The following SREBF2 variants were observed in gnomAD, a reference collection of about 807,000 sequenced individuals.
SREBF2 encodes the protein sterol regulatory element-binding protein 2.
A neutral mutation model predicts 113.1 loss-of-function variants in SREBF2; 55 were observed. The observed-to-expected ratio is 0.49, with a 90% CI of 0.39 to 0.61. The LOEUF is 0.61. Among genes scored for constraint, SREBF2 ranks in the 20% least tolerant of loss-of-function variants. The pLI is 0.00. For synonymous variants in SREBF2, 593 were observed against 605.7 expected, an observed-to-expected ratio of 0.98 and a Z score of 0.31; for missense variants, 1,349 against 1,487.4, an observed-to-expected ratio of 0.91 and a Z score of 1.53.
In SREBF2 at chr22:41,880,799, G is replaced by A. The variant is rs780135779; in HGVS notation, c.1845G>A (p.Leu615=). ...CACTGCCCACCTCCCGCCTGGACCT[G>A]GCCTGCAGCCTCTCCTGGAACGTGA... is the stretch of plus-strand genomic sequence containing the variant. The part of the protein sequence containing the change: ...GRALPTSRLD[L]ACSLSWNVIR... Residue 615 remains leucine, a synonymous_variant, in exon 10 of 19, where the codon CTG becomes CTA. Transcript: ENST00000361204. 1.2e-5 allele frequency: 20 copies of A among 1,614,162 alleles called. 1 individual carries two copies. The South Asian group carries it at 2.2e-4, about 18-fold the overall frequency.
At chr22:41,864,251 T>C (rs1448733566) in intron 1 of SREBF2, among the ~76,000 whole-genome samples, 3 of 94,854 alleles carry the variant, frequency 3.2e-5, no homozygotes, top group African/African-American at 1.3e-4. Context: ...TATATATATA[T>C]ATATATATAT....
At position 41,833,530 on chromosome 22, in the gene SREBF2, CCCGACCCAGCTGCGCCGCT is replaced by C; in HGVS notation, c.88+176_88+194del. 1.9e-6 allele frequency: 1 copy of C among 515,128 alleles called. No homozygotes were observed. Among genetic ancestry groups the C allele is most frequent in the South Asian group, 3.1e-5 (1 of 32,606 alleles). 31.9% of individuals were successfully genotyped at this position (515,128 alleles called of 1,614,324 possible). ...ACCCTTCCGGCGCTGCGAGCGTGAG[CCCGACCCAGCTGCGCCGCT>C]CCGGGAGGCCGTGGGATCTGGGGCG... On this transcript the variant is annotated intron_variant, in intron 1 of 18. Transcript: ENST00000361204. The surrounding 1 kb of genome is among the most constrained non-coding windows in gnomAD (Gnocchi z 4.1).
chr22:41,858,048 G>T lies in SREBF2; in HGVS notation c.89-8783G>T, dbSNP rs149494682. Among the ~76,000 whole-genome samples the T allele has an allele frequency of 4.3e-4, 65 of 152,154 alleles. No homozygotes were observed. In the East Asian group the frequency reaches 0.012, roughly 28 times the overall value. On this transcript the variant is annotated intron_variant, in intron 1 of 18. Coordinates refer to ENST00000361204, the MANE Select transcript of SREBF2 (RefSeq NM_004599.4). ...CAGGTTTGTTACTAGTCTACATTTG[G>T]TTTTTTAAATAATTATTAGAAAAAA...
At chr22:41,851,956 TA>T (rs1250217303) in intron 1 of SREBF2, among the ~76,000 whole-genome samples, 16 of 151,984 alleles carry the variant, frequency 1.1e-4, no homozygotes, top group East Asian at 3.9e-4. Context: ...CCGTCTCTAC[TA>T]AAAAATACGA....
Position 41,894,920 on chromosome 22 carries a change from C to G in SREBF2, c.2478C>G (p.Asp826Glu). 3 of 1,613,934 alleles carry G rather than the reference C, an allele frequency of 1.9e-6. No individual in the cohort carries two copies. Among genetic ancestry groups the G allele is most frequent in the Non-Finnish European group, 2.5e-6 (3 of 1,179,970 alleles). Residue 826 changes from aspartate (D) to glutamate (E), a missense_variant, in exon 13 of 19, where the codon GAC becomes GAG. Asp to Glu is a conservative substitution (Grantham distance 45). Coordinates refer to ENST00000361204, the MANE Select transcript of SREBF2 (RefSeq NM_004599.4). ...VKPQAKKKAG[D>E]QEEESCEFSS... ...CTCAGGCCAAGAAGAAGGCTGGAGA[C>G]CAGGAAGAAGAGAGCTGGTAAAGTC...
chr22:41,878,388 G>T (rs956605130), intron 9 of SREBF2, among the ~76,000 whole-genome samples: 1 of 152,190 alleles, frequency 6.6e-6, no homozygotes, highest in South Asian at 2.1e-4. Flanking sequence ...GGGCTGCCAA[G>T]AGTAGGAAGG....
chr22:41,864,969 G>T (rs1169863102), intron 1 of SREBF2, among the ~76,000 whole-genome samples: 1 of 152,006 alleles, frequency 6.6e-6, no homozygotes, highest in East Asian at 1.9e-4. Flanking sequence ...AAGAGAGACA[G>T]AGTCTCGCTG....
intron 4 of SREBF2, among the ~76,000 whole-genome samples, chr22:41,872,628 C>T (rs2077156222): frequency 1.3e-5 from 2 of 152,128 alleles, no homozygotes; most frequent in African/African-American, 2.4e-5. Context: ...CAGTGGCTCA[C>T]GCCTGTATTC....
rs758741776 is a variant in SREBF2, at chr22:41,866,953, A to AGCAGCAGCAGCAATGGCAGGG, written c.223_243dup (p.Asn75_Ser81dup). 123 of 1,613,828 alleles carry AGCAGCAGCAGCAATGGCAGGG rather than the reference A, an allele frequency of 7.6e-5. No homozygotes were observed. Among genetic ancestry groups the AGCAGCAGCAGCAATGGCAGGG allele is most frequent in the Middle Eastern group, 1.6e-4 (1 of 6,082 alleles). On this transcript the variant is annotated inframe_insertion, in exon 2 of 19. Coordinates refer to ENST00000361204, the MANE Select transcript of SREBF2 (RefSeq NM_004599.4). Reference sequence around the variant, plus strand: ...CAGCAGCGGCAGCAGTGGCAGCAGCAGCAGCAGCAGCAATGGCAGGGGCAG... The same window carrying AGCAGCAGCAGCAATGGCAGGG: ...CAGCAGCGGCAGCAGTGGCAGCAGCAGCAGCAGCAGCAATGGCAGGGGCAGCAGCAGCAATGGCAGGGGCAG...
chr22:41,854,884 A>C (rs1402279367), intron 1 of SREBF2, among the ~76,000 whole-genome samples: 1 of 151,992 alleles, frequency 6.6e-6, no homozygotes, highest in Non-Finnish European at 1.5e-5. Flanking sequence ...CTGTCTCAAA[A>C]AATAATAAAA....
At chr22:41,887,221 GAAAA>G (rs897543400) in intron 11 of SREBF2, among the ~76,000 whole-genome samples, 1 of 135,408 alleles carries the variant, frequency 7.4e-6, no homozygotes, top group Non-Finnish European at 1.6e-5. Flanking sequence ...TCCGTCTCAA[GAAAA>G]AAAAAAAAGA....
intron 10 of SREBF2, among the ~76,000 whole-genome samples, chr22:41,884,084 A>G (rs570710040): frequency 6.6e-6 from 1 of 152,136 alleles, no homozygotes; most frequent in East Asian, 1.9e-4. Flanking sequence ...TGCTCAGTTT[A>G]CGTCACTTCC....
Position 41,904,870 on chromosome 22 carries a change from T to A in SREBF2, c.3101T>A (p.Leu1034Gln). The A allele has an allele frequency of 6.3e-7, 1 of 1,595,358 alleles. No individual in the cohort carries two copies. Reference sequence around the variant, plus strand: ...ACCCCGGCACCTCCCCAGGTGTTCCTGCATGAAGCCACCGTGCGCCTGATG... The same window carrying A: ...ACCCCGGCACCTCCCCAGGTGTTCCAGCATGAAGCCACCGTGCGCCTGATG... The part of the protein sequence containing the change: ...SFRPAYRKVF[L>Q]HEATVRLMAG... The change falls in exon 18 of 19, where the codon CTG becomes CAG. Residue 1034 changes from leucine to glutamine, a missense_variant. By Grantham distance (113) the Leu-to-Gln change is moderately radical. Transcript: ENST00000361204.
intron 1 of SREBF2, among the ~76,000 whole-genome samples, chr22:41,864,323 A>T (rs190532327): frequency 0.058 from 4,479 of 77,814 alleles, 494 homozygotes; most frequent in East Asian, 0.53. Context: ...ATATATATAT[A>T]TTTTTTTTTT....
intron 1 of SREBF2, among the ~76,000 whole-genome samples, chr22:41,860,253 AAG>A (rs2148366709): frequency 6.6e-6 from 1 of 152,250 alleles, no homozygotes; most frequent in African/African-American, 2.4e-5. Flanking sequence ...AAAAAAAAAA[AAG>A]ACAAAATAGC....
At chr22:41,902,558 C>T (rs576716777) in intron 16 of SREBF2, among the ~76,000 whole-genome samples, 1 of 152,316 alleles carries the variant, frequency 6.6e-6, no homozygotes, top group East Asian at 1.9e-4. Flanking sequence ...GCTCTGCTGC[C>T]ACTTCAGGCT....
chr22:41,905,024 A>G (rs1393967788), intron 18 of SREBF2, 50 bp downstream of exon 18: 3 of 1,496,040 alleles, frequency 2.0e-6, no homozygotes, highest in East Asian at 2.4e-5. Flanking sequence ...CCTGCGCCCT[A>G]GGAAGAGAGG....
At chr22:41,882,005 A>G (rs2077250060) in intron 10 of SREBF2, among the ~76,000 whole-genome samples, 1 of 152,032 alleles carries the variant, frequency 6.6e-6, no homozygotes, top group African/African-American at 2.4e-5. Flanking sequence ...CTGGGAGATC[A>G]AGGCTCCAGT....
Position 41,897,132 on chromosome 22 carries a change from C to CT in SREBF2, c.2576_2577insT (p.Arg860GlnfsTer105). 6.2e-7 allele frequency: 1 copy of CT among 1,612,088 alleles called. No individual in the cohort carries two copies. The highest frequency in any genetic ancestry group is 8.5e-7 in the Non-Finnish European group (1 of 1,179,786). On this transcript the variant is annotated frameshift_variant, in exon 14 of 19. Transcript: ENST00000361204. LOFTEE classifies it high-confidence loss of function. ...GTGGGGGTTATGAGCCCCCCACTCT[C>CT]CAGGAGCTCCGTGCTCAAGTCCGCC... is the stretch of plus-strand genomic sequence containing the variant.
Sources: gnomAD v4.1 joint callset for allele counts (sites outside exome capture counted in the v4.1 genomes callset) on GRCh38, gnomAD v4.1.1 for gene constraint, Gnocchi (gnomAD v3.1) non-coding constraint, MANE v1.5 for transcripts, NCBI Gene and HGNC (gene_info 2026-07-23, HGNC 2026-07-21) for gene names.